The following SLC44A2 variants were observed in gnomAD, a reference collection of about 807,000 sequenced individuals.
SLC44A2 encodes the protein choline transporter-like protein 2.
In SLC44A2, 57 loss-of-function variants were observed where a neutral mutation model predicts 90.8. The observed-to-expected ratio is 0.63, with a 90% confidence interval of 0.51 to 0.78. SLC44A2 has a LOEUF of 0.78. SLC44A2 is among the 30% of genes least tolerant of loss of function. The pLI is 0.00. For missense variants in SLC44A2, 794 were observed against 919.7 expected, an observed-to-expected ratio of 0.86 and a Z score of 1.77; for synonymous variants, 355 against 360.7, an observed-to-expected ratio of 0.98 and a Z score of 0.18.
intron 10 of SLC44A2, 55 bp downstream of exon 10, chr19:10,632,211 C>G: frequency 6.7e-7 from 1 of 1,502,302 alleles, no homozygotes; most frequent in East Asian, 2.3e-5. Context: ...ACTGCCCTGC[C>G]CTTTCCCGTG....
intron 10 of SLC44A2, among the ~76,000 whole-genome samples, chr19:10,633,306 G>A (rs2067017228): frequency 6.6e-6 from 1 of 151,724 alleles, no homozygotes; most frequent in African/African-American, 2.4e-5. Context: ...TGGGATTACA[G>A]GCGCACACCA....
Position 10,634,801 on chromosome 19 carries a change from C to A in SLC44A2, c.869C>A (p.Ala290Asp), listed in dbSNP as rs758963442. ...YMEYSRLRGE[A>D]GSDVSLVDLG... ...GAGTACTCCCGACTGCGTGGTGAGGCCGGCTCTGATGTCTCTTTGGTGGAC... is the reference window on the plus strand; with the variant it reads ...GAGTACTCCCGACTGCGTGGTGAGGACGGCTCTGATGTCTCTTTGGTGGAC... Residue 290 changes from alanine to aspartate, a missense_variant, in exon 11 of 22, where the codon GCC becomes GAC. Around this residue, in one of 3 missense-constraint regions of SLC44A2, gnomAD observed 738 missense variants for 841.1 expected, o/e 0.88. Transcript: ENST00000335757. 2 of 1,614,146 alleles carry A rather than the reference C, an allele frequency of 1.2e-6. No individual in the cohort carries two copies. Among genetic ancestry groups the A allele is most frequent in the South Asian group, 2.2e-5 (2 of 91,086 alleles).
At chr19:10,622,861 C>A (rs1201744397), upstream of SLC44A2, among the ~76,000 whole-genome samples, 1 of 152,138 alleles carries the variant, frequency 6.6e-6, no homozygotes, top group East Asian at 1.9e-4. Context: ...GTGATTATGC[C>A]ACTGCATTCC....
intron 21 of SLC44A2, chr19:10,642,949 G>T (rs770100315): frequency 2.5e-6 from 4 of 1,592,320 alleles, no homozygotes; most frequent in Non-Finnish European, 3.4e-6. Flanking sequence ...ACTTCATGTC[G>T]CCCGAGCTGA....
rs1343484555 is a variant in SLC44A2, at chr19:10,604,356, A to C, written c.31+1795A>C. On this transcript the variant is annotated intron_variant, in intron 1 of 21. Coordinates refer to the SLC44A2 transcript ENST00000407327. ...ACAAACCACGTAGTTACTTAATTAC[A>C]TTTTGCCTTGGGGCCAAAGGGGGCA... Among the ~76,000 whole-genome samples, 3 of 152,186 alleles carry C rather than the reference A, an allele frequency of 2.0e-5. No individual in the cohort carries two copies. The East Asian group carries it at 5.8e-4, about 29-fold the overall frequency.
At chr19:10,622,409 T>A (rs1453663628), upstream of SLC44A2, among the ~76,000 whole-genome samples, 2 of 151,996 alleles carry the variant, frequency 1.3e-5, no homozygotes, top group African/African-American at 4.8e-5. Flanking sequence ...CTCTGGCCGC[T>A]ATAGTGAGGA....
At chr19:10,638,121 G>A (rs1417356459) in intron 19 of SLC44A2, 28 bp downstream of exon 19, 1 of 1,613,628 alleles carries the variant, frequency 6.2e-7, no homozygotes. Context: ...AGCCTCTCGG[G>A]GTGTGGGAGC....
At chr19:10,637,605 G>A in intron 16 of SLC44A2, 39 bp from the exon 17 acceptor site, 1 of 1,573,886 alleles carries the variant, frequency 6.4e-7, no homozygotes, top group Non-Finnish European at 8.7e-7. Flanking sequence ...AGTCAGGCTG[G>A]TGTCCCCTCA....
At position 10,628,113 on chromosome 19, in the gene SLC44A2, G is replaced by A. The variant is rs759689638; in HGVS notation, c.245+109G>A. 1.2e-5 allele frequency: 12 copies of A among 997,160 alleles called. No homozygotes were observed. The African/African-American group carries it at 1.4e-4, about 12-fold the overall frequency. The allele number at this position is 997,160 out of a possible 1,614,324, so 61.8% of individuals were successfully genotyped here. Reference sequence around the variant, plus strand: ...TAACAAGTGCTTATAGGCTGGGCGCGGTGACTCACGCCCGAAATTCCAACA... The same window carrying A: ...TAACAAGTGCTTATAGGCTGGGCGCAGTGACTCACGCCCGAAATTCCAACA... On this transcript the variant is annotated intron_variant, in intron 4 of 21. Coordinates refer to ENST00000335757, the MANE Select transcript of SLC44A2 (RefSeq NM_020428.4).
At chr19:10,611,316 G>A (rs573960971) in intron 1 of SLC44A2, among the ~76,000 whole-genome samples, 1 of 152,226 alleles carries the variant, frequency 6.6e-6, no homozygotes, top group South Asian at 2.1e-4. Context: ...GCCAGGCGTG[G>A]TGGCAGGTAC....
At position 10,643,498 on chromosome 19, in the gene SLC44A2, C is replaced by A; in HGVS notation, c.*113C>A. ...TGAAGTCCTATCACTGCCGCTCTGC[C>A]CCTCCCCATGAGCCAGATCCCACCA... On this transcript the variant is annotated 3_prime_UTR_variant, in exon 22 of 22. Coordinates refer to ENST00000335757, the MANE Select transcript of SLC44A2 (RefSeq NM_020428.4). The A allele has an allele frequency of 7.9e-7, 1 of 1,264,690 alleles. No homozygotes were observed. Among genetic ancestry groups the A allele is most frequent in the Admixed American group, 2.4e-5 (1 of 40,850 alleles). The allele number at this position is 1,264,690 out of a possible 1,614,324, so 78.3% of individuals were successfully genotyped here. A position where few individuals can be genotyped will look rare whatever the true frequency, so the allele number is the denominator to read the frequency against.
At chr19:10,635,390 G>A (rs753519989) in intron 13 of SLC44A2, 41 bp from the exon 14 acceptor site, 7 of 1,610,798 alleles carry the variant, frequency 4.3e-6, no homozygotes, top group East Asian at 2.2e-5. Flanking sequence ...AGTCCCTGGG[G>A]TCCTCAGTCC....
At chr19:10,608,801 T>A (rs1918194159) in intron 1 of SLC44A2, among the ~76,000 whole-genome samples, 1 of 151,190 alleles carries the variant, frequency 6.6e-6, no homozygotes, top group African/African-American at 2.4e-5. Context: ...AAGATTCGAG[T>A]TACCGTGCCC....
intron 10 of SLC44A2, among the ~76,000 whole-genome samples, 154 bp downstream of exon 10, chr19:10,632,310 G>C (rs1387799300): frequency 6.6e-6 from 1 of 152,056 alleles, no homozygotes; most frequent in African/African-American, 2.4e-5. Context: ...GCCGAGGCAG[G>C]CAGATCACCC....
intron 1 of SLC44A2, among the ~76,000 whole-genome samples, chr19:10,605,200 G>A (rs2144797396): frequency 6.6e-6 from 1 of 152,136 alleles, no homozygotes; most frequent in South Asian, 2.1e-4. Flanking sequence ...GGCTACCACA[G>A]TGAAACCCCA....
intron 14 of SLC44A2, chr19:10,635,728 C>T (rs1011481753): frequency 2.9e-5 from 15 of 512,588 alleles, no homozygotes; most frequent in Non-Finnish European, 4.8e-5. Context: ...TCAACTTGAC[C>T]AGGCCTTCAC....
At chr19:10,640,500 C>A (rs1315562527) in intron 20 of SLC44A2, among the ~76,000 whole-genome samples, 1 of 152,040 alleles carries the variant, frequency 6.6e-6, no homozygotes, top group Non-Finnish European at 1.5e-5. Context: ...CCCTATATTG[C>A]CAGGCTGGTC....
chr19:10,635,075 TG>T lies in SLC44A2; in HGVS notation c.1055+8del. ...TGCACTCATCAAAGAAGCCAGCAGG[TG>T]GGGGGCCAGGGTGCCAGGGGCCAGG... is the stretch of plus-strand genomic sequence containing the variant. On this transcript the variant is annotated splice_donor_region_variant and intron_variant, in intron 12 of 21. Coordinates refer to ENST00000335757, the MANE Select transcript of SLC44A2 (RefSeq NM_020428.4). 6.2e-7 allele frequency: 1 copy of T among 1,613,936 alleles called. No homozygotes were observed. The highest frequency in any genetic ancestry group is 1.1e-5 in the South Asian group (1 of 91,070).
At chr19:10,636,778 C>T (rs761035171) in intron 16 of SLC44A2, 22 bp downstream of exon 16, 3 of 1,607,542 alleles carry the variant, frequency 1.9e-6, no homozygotes, top group Admixed American at 3.4e-5. Flanking sequence ...CCACGGTTCG[C>T]ATTAGCTCCT....
Sources: allele counts gnomAD v4.1 joint callset (sites outside exome capture counted in the v4.1 genomes callset), GRCh38; gene constraint gnomAD v4.1.1; regional missense constraint gnomAD v4.1.1; transcripts MANE v1.5; gene names NCBI Gene and HGNC (gene_info 2026-07-23, HGNC 2026-07-21).